MORC1: variants seen among roughly 807,000 people sequenced by gnomAD.
MORC1 encodes MORC family CW-type zinc finger protein 1.
Under a neutral mutation model 134.9 loss-of-function variants are expected in MORC1, and 59 were observed. The ratio of observed to expected loss-of-function variants is 0.44; its 90% CI spans 0.35 to 0.54. The LOEUF (loss-of-function observed/expected upper bound fraction) is 0.54, where lower values mean the gene tolerates loss of function less well. Among genes scored for constraint, MORC1 ranks in the 20% least tolerant of loss-of-function variants. The pLI is 0.00. For missense variants in MORC1, 947 were observed against 1,134.5 expected, an observed-to-expected ratio of 0.83 and a Z score of 2.37; for synonymous variants, 395 against 391.7, an observed-to-expected ratio of 1.01 and a Z score of -0.10.
At chr3:109,000,966 G>A (rs1436953886) in intron 20 of MORC1, among the ~76,000 whole-genome samples, 2 of 151,974 alleles carry the variant, frequency 1.3e-5, no homozygotes, top group East Asian at 1.9e-4. Flanking sequence ...AGTAATCTTC[G>A]AGTAATCAAA....
intron 3 of MORC1, among the ~76,000 whole-genome samples, chr3:109,106,797 G>A (rs369463387): frequency 3.3e-5 from 5 of 152,186 alleles, no homozygotes; most frequent in East Asian, 1.9e-4. Flanking sequence ...TCACAACAGC[G>A]CCCTACCTTC....
rs1296710933 is a variant in MORC1 at position 109,069,790 on chromosome 3, G to C, written c.690-33C>G. Reference sequence around the variant, plus strand: ...AGAAAATACAAAATGTCACAATACAGAGGACACAACAACTACATCTCTTTG... The same window carrying C: ...AGAAAATACAAAATGTCACAATACACAGGACACAACAACTACATCTCTTTG... On this transcript the variant is annotated intron_variant, in intron 8 of 27. Coordinates refer to ENST00000232603, the MANE Select transcript of MORC1 (RefSeq NM_014429.4). The C allele has an allele frequency of 6.3e-6, 10 of 1,584,854 alleles. No individual in the cohort carries two copies. The East Asian group carries it at 2.3e-4, about 36-fold the overall frequency.
At position 109,099,486 on chromosome 3, in the gene MORC1, C is replaced by T. The variant is rs1420100363; in HGVS notation, c.315-20G>A. ...GACCCACTATATTAAAAATGAAGAA[C>T]ATCATGTTTTACACCTCAAATACTA... On this transcript the variant is annotated intron_variant, in intron 5 of 27. Transcript: ENST00000232603. 6.4e-7 allele frequency: 1 copy of T among 1,572,670 alleles called. No individual in the cohort carries two copies. Among genetic ancestry groups the T allele is most frequent in the East Asian group, 2.3e-5 (1 of 44,282 alleles).
At chr3:109,094,276 T>G (rs1377143570) in intron 7 of MORC1, among the ~76,000 whole-genome samples, 1 of 152,208 alleles carries the variant, frequency 6.6e-6, no homozygotes, top group African/African-American at 2.4e-5. Flanking sequence ...TCAAACAGGA[T>G]CATTAGAGTA....
intron 4 of MORC1, among the ~76,000 whole-genome samples, chr3:109,101,750 A>G (rs535861996): frequency 3.3e-5 from 5 of 152,372 alleles, no homozygotes; most frequent in Admixed American, 3.3e-4. Flanking sequence ...TATTTATAAC[A>G]AAACAAGAAA....
In MORC1 at chr3:109,074,226, C is replaced by T. The variant is rs1014085655; in HGVS notation, c.690-4469G>A. ...TTTTCTAGCTGCCTGAGATCGATCC[C>T]GAGCCATGGCGGATTTCAGGGATGT... On this transcript the variant is annotated intron_variant, in intron 8 of 27. Transcript: ENST00000232603. Among the ~76,000 whole-genome samples the T allele has an allele frequency of 7.2e-5, 11 of 152,140 alleles. 1 individual carries two copies. The highest frequency in any genetic ancestry group is 5.9e-4 in the Admixed American group (9 of 15,268).
At chr3:108,974,671 T>G (rs549065167) in intron 24 of MORC1, among the ~76,000 whole-genome samples, 2 of 152,364 alleles carry the variant, frequency 1.3e-5, no homozygotes, top group East Asian at 3.9e-4. Context: ...TTGTCCCACT[T>G]AGGAACAGGA....
intron 14 of MORC1, among the ~76,000 whole-genome samples, chr3:109,052,626 C>T (rs957884978): frequency 4.6e-5 from 7 of 152,016 alleles, no homozygotes; most frequent in African/African-American, 9.7e-5. Flanking sequence ...GTTTTAGGTA[C>T]GGCAGGATGG....
At chr3:109,071,646 T>C (rs1044254285) in intron 8 of MORC1, among the ~76,000 whole-genome samples, 2 of 152,198 alleles carry the variant, frequency 1.3e-5, no homozygotes, top group African/African-American at 2.4e-5. Context: ...AAAGTTCACA[T>C]ACAGCATAAT....
chr3:108,978,497 C>T (rs1947624150), intron 24 of MORC1, among the ~76,000 whole-genome samples: 1 of 152,104 alleles, frequency 6.6e-6, no homozygotes, highest in Non-Finnish European at 1.5e-5. Flanking sequence ...TAATCACAGC[C>T]CTGCACTCTG....
chr3:109,084,054 T>C (rs773164042), intron 8 of MORC1, among the ~76,000 whole-genome samples: 1 of 152,166 alleles, frequency 6.6e-6, no homozygotes, highest in African/African-American at 2.4e-5. Context: ...GTTAACATTA[T>C]ACTGAATGAG....
intron 9 of MORC1, 61 bp from the exon 10 acceptor site, chr3:109,063,292 A>C: frequency 9.0e-7 from 1 of 1,113,340 alleles, no homozygotes; most frequent in Non-Finnish European, 1.3e-6. Flanking sequence ...ACATAAGACA[A>C]TATTCTTTAG....
intron 16 of MORC1, among the ~76,000 whole-genome samples, chr3:109,028,468 C>T (rs1270521054): frequency 1.3e-5 from 2 of 152,178 alleles, no homozygotes; most frequent in African/African-American, 4.8e-5. Flanking sequence ...CCCAAGTGCT[C>T]TGCTGTCGTA....
At position 109,085,878 on chromosome 3, in the gene MORC1, T is replaced by C. The variant is rs193223251; in HGVS notation, c.689+7558A>G. 1.8e-3 allele frequency among the ~76,000 whole-genome samples: 268 copies of C among 152,212 alleles called. 6 individuals carry two copies. The highest frequency in any genetic ancestry group is 1.0e-4 in the Non-Finnish European group (7 of 67,978). ...TAGTGGATGAATGCATAAAGAAATG[T>C]TGTACATATACACAACAGAATACTA... On this transcript the variant is annotated intron_variant, in intron 8 of 27. Coordinates refer to ENST00000232603, the MANE Select transcript of MORC1 (RefSeq NM_014429.4).
At chr3:108,981,289 T>C (rs1437504641) in intron 23 of MORC1, among the ~76,000 whole-genome samples, 1 of 152,148 alleles carries the variant, frequency 6.6e-6, no homozygotes, top group Admixed American at 6.5e-5. Context: ...AAGATGAGGA[T>C]CTTTTAAAAT....
At chr3:108,967,855 G>T (rs1036912839) in intron 26 of MORC1, among the ~76,000 whole-genome samples, 2 of 151,920 alleles carry the variant, frequency 1.3e-5, no homozygotes, top group African/African-American at 4.8e-5. Context: ...AATAGAGGGG[G>T]TGGGCAAAAA....
chr3:109,114,719 T>C (rs912396722), intron 1 of MORC1, among the ~76,000 whole-genome samples: 1 of 152,254 alleles, frequency 6.6e-6, no homozygotes, highest in Non-Finnish European at 1.5e-5. Context: ...TTTGACCTTT[T>C]AATATTACTT....
At chr3:109,048,832 G>A (rs1410272107) in intron 14 of MORC1, among the ~76,000 whole-genome samples, 3 of 151,952 alleles carry the variant, frequency 2.0e-5, no homozygotes, top group Non-Finnish European at 4.4e-5. Flanking sequence ...CCACCCAAAC[G>A]ACTCCATTTT....
intron 2 of MORC1, 145 bp from the exon 3 acceptor site, chr3:109,110,928 T>A: frequency 1.8e-6 from 1 of 546,962 alleles, no homozygotes; most frequent in Non-Finnish European, 3.2e-6. Context: ...CGTGCTATTA[T>A]ATCATAAGAC....
Sources: allele counts gnomAD v4.1 joint callset (sites outside exome capture counted in the v4.1 genomes callset), GRCh38; gene constraint gnomAD v4.1.1; transcripts MANE v1.5; gene names NCBI Gene and HGNC (gene_info 2026-07-23, HGNC 2026-07-21).